Variants in LTBP4 observed in about 807,000 individuals in gnomAD.
LTBP4 encodes latent-transforming growth factor beta-binding protein 4.
LTBP4 carries 93 observed loss-of-function variants against 180.2 expected under a neutral mutation model. That is an observed-to-expected ratio of 0.52 (90% CI 0.44 to 0.61). The LOEUF (loss-of-function observed/expected upper bound fraction) is 0.61. Among genes scored for constraint, LTBP4 ranks in the 20% least tolerant of loss-of-function variants. The pLI, the probability that LTBP4 is intolerant of heterozygous loss-of-function variation, is 0.00. For missense variants in LTBP4, 2,116 were observed against 2,256.5 expected, an observed-to-expected ratio of 0.94 and a Z score of 1.26; for synonymous variants, 947 against 934.5, an observed-to-expected ratio of 1.01 and a Z score of -0.24.
At chr19:40,604,068 T>C (rs1442071759) in intron 1 of LTBP4, among the ~76,000 whole-genome samples, 2 of 151,976 alleles carry the variant, frequency 1.3e-5, no homozygotes, top group Non-Finnish European at 2.9e-5. Context: ...CAGAAAGAAG[T>C]TGGGCGGAGA....
At chr19:40,603,830 T>A (rs1416067873) in intron 1 of LTBP4, among the ~76,000 whole-genome samples, 1 of 152,160 alleles carries the variant, frequency 6.6e-6, no homozygotes, top group Admixed American at 6.5e-5. Flanking sequence ...CTCCTTTGGC[T>A]CAAAGGTCCC....
intron 6 of LTBP4, among the ~76,000 whole-genome samples, chr19:40,606,733 A>G (rs1220990084): frequency 6.6e-6 from 1 of 151,776 alleles, no homozygotes; most frequent in African/African-American, 2.4e-5. Flanking sequence ...TTTTGGATCC[A>G]GATCCCTCCA....
chr19:40,628,458 G>A (rs561456211), intron 29 of LTBP4, among the ~76,000 whole-genome samples: 1 of 152,244 alleles, frequency 6.6e-6, no homozygotes, highest in African/African-American at 2.4e-5. Context: ...AGGTTGTGGT[G>A]AGCCAAGATC....
intron 7 of LTBP4, 83 bp downstream of exon 7, chr19:40,607,612 C>G: frequency 7.1e-7 from 1 of 1,417,074 alleles, no homozygotes; most frequent in Non-Finnish European, 9.4e-7. Context: ...CCTGAGTTCA[C>G]TGCCCCAACC....
At chr19:40,620,216 C>T (rs146830562) in intron 22 of LTBP4, among the ~76,000 whole-genome samples, 43 of 149,942 alleles carry the variant, frequency 2.9e-4, no homozygotes, top group African/African-American at 1.0e-3. Context: ...GAAGGGGTTT[C>T]GGCGTTTTTT....
At chr19:40,607,273 C>CCAAACAAA in intron 6 of LTBP4, 92 bp from the exon 7 acceptor site, 2 of 811,726 alleles carry the variant, frequency 2.5e-6, no homozygotes, top group Non-Finnish European at 3.6e-6. Flanking sequence ...CCCCCACCCC[C>CCAAACAAA]AACCCCAGAA....
intron 12 of LTBP4, 73 bp downstream of exon 12, chr19:40,610,730 G>A: frequency 1.3e-6 from 2 of 1,504,704 alleles, no homozygotes; most frequent in Non-Finnish European, 1.8e-6. Flanking sequence ...GGGCCAGAGA[G>A]ACTGAACAAT....
chr19:40,597,252 C>A, upstream of LTBP4: 1 of 1,507,772 alleles, frequency 6.6e-7, no homozygotes, highest in Non-Finnish European at 8.8e-7. Flanking sequence ...GGCCTGGCAC[C>A]AGCGGCCGCC....
upstream of LTBP4, chr19:40,599,299 T>C (rs1599856900): frequency 6.2e-7 from 1 of 1,613,196 alleles, no homozygotes; most frequent in Middle Eastern, 1.7e-4. Context: ...CAAAAGGGAA[T>C]AGGAGGAGAG....
intron 1 of LTBP4, chr19:40,593,193 T>A: frequency 6.2e-7 from 1 of 1,613,852 alleles, no homozygotes; most frequent in Non-Finnish European, 8.5e-7. Context: ...TGAGTGCCTC[T>A]GAAACCGGGG....
chr19:40,608,686 G>A, intron 9 of LTBP4, 83 bp downstream of exon 9: 1 of 1,490,026 alleles, frequency 6.7e-7, no homozygotes, highest in South Asian at 1.2e-5. Context: ...GCTGAGGAGG[G>A]TGGATCACCA....
Position 40,629,493 on chromosome 19 carries a change from G to C in LTBP4, c.4617G>C (p.Pro1539=). 2 of 1,606,046 alleles carry C rather than the reference G, an allele frequency of 1.2e-6. No individual in the cohort carries two copies. The highest frequency in any genetic ancestry group is 3.3e-5 in the Admixed American group (2 of 59,768). ...GCTCCTTCCGCTGCATCTGCCGCCC[G>C]GGATTCGCACCCACGCACCAGCCGC... ...TDGSFRCICR[P]GFAPTHQPHH... is the part of the protein sequence containing the mutation. Residue 1539 remains proline, a synonymous_variant, in exon 30 of 30, where the codon CCG becomes CCC. Transcript: ENST00000396819. This position sits in a 1 kb window ranked among gnomAD's most constrained non-coding sequence, Gnocchi z 4.5.
chr19:40,607,542 G>A lies in LTBP4; in HGVS notation c.1156+13G>A, dbSNP rs1446596943. The A allele has an allele frequency of 1.9e-6, 3 of 1,601,996 alleles. No homozygotes were observed. The highest frequency in any genetic ancestry group is 2.7e-5 in the African/African-American group (2 of 74,706). On this transcript the variant is annotated intron_variant, in intron 7 of 29. Transcript: ENST00000396819. Reference sequence around the variant, plus strand: ...CCCTTCGGCTCAGGTGAGCCCCTGCGGCAGTGCCTAGCCCTACGCGCAACA... The same window carrying A: ...CCCTTCGGCTCAGGTGAGCCCCTGCAGCAGTGCCTAGCCCTACGCGCAACA...
rs187082665 is a variant in LTBP4, at chr19:40,595,811, G to A, written c.16+2630G>A. ...AGTGGTGCCATCTCAACTCACTGCA[G>A]CCTCCACTTACCAGGCTCAAGTGAT... On this transcript the variant is annotated intron_variant, in intron 1 of 32. Transcript: ENST00000204005. Among the ~76,000 whole-genome samples, 199 of 151,492 alleles carry A rather than the reference G, an allele frequency of 1.3e-3. 1 individual carries two copies. Among genetic ancestry groups the A allele is most frequent in the African/African-American group, 4.4e-3 (183 of 41,314 alleles).
upstream of LTBP4, among the ~76,000 whole-genome samples, chr19:40,598,101 T>G (rs1057189160): frequency 6.6e-6 from 1 of 152,068 alleles, no homozygotes; most frequent in Non-Finnish European, 1.5e-5. Flanking sequence ...AAGGAAGCCG[T>G]CTGCCCAGCA....
At chr19:40,626,530 C>G (rs1006119231) in intron 27 of LTBP4, among the ~76,000 whole-genome samples, 1 of 152,134 alleles carries the variant, frequency 6.6e-6, no homozygotes, top group Non-Finnish European at 1.5e-5. Context: ...GTTTCTACAA[C>G]CTCTGAGTCC....
At position 40,629,484 on chromosome 19, in the gene LTBP4, C is replaced by A; in HGVS notation, c.4608C>A (p.Ile1536=). The change falls in exon 30 of 30, where the codon ATC becomes ATA. Residue 1536 remains isoleucine (I), a synonymous_variant. Transcript: ENST00000396819. The surrounding 1 kb of genome is among the most constrained non-coding windows in gnomAD (Gnocchi z 4.5). ...CLNTDGSFRC[I]CRPGFAPTHQ... ...ACACGGATGGCTCCTTCCGCTGCAT[C>A]TGCCGCCCGGGATTCGCACCCACGC... The A allele has an allele frequency of 6.2e-7, 1 of 1,607,638 alleles. No homozygotes were observed. Among genetic ancestry groups the A allele is most frequent in the South Asian group, 1.1e-5 (1 of 90,932 alleles).
chr19:40,606,189 C>A, intron 4 of LTBP4, 44 bp from the exon 5 acceptor site: 2 of 1,524,612 alleles, frequency 1.3e-6, no homozygotes, highest in South Asian at 1.2e-5. Flanking sequence ...TCCATTCTCG[C>A]TCTGCCCACC....
At position 40,608,279 on chromosome 19, in the gene LTBP4, C is replaced by A; in HGVS notation, c.1216C>A (p.Arg406Ser). Residue 406 changes from arginine to serine, a missense_variant, in exon 8 of 30, where the codon CGC (arginine) becomes AGC (serine). Arg to Ser is a moderately radical substitution (Grantham distance 110). Around this residue, in one of 5 missense-constraint regions of LTBP4, gnomAD observed 877 missense variants for 873.6 expected, o/e 1.00. Coordinates refer to ENST00000396819, the MANE Select transcript of LTBP4 (RefSeq NM_001042545.2). ...PGYHYSASDLRYNTRPLGQEP... is the reference protein window; with the variant it reads ...PGYHYSASDLSYNTRPLGQEP... ...TTACCACTACTCGGCCTCCGACCTC[C>A]GCTACAACACCAGACCCCTGGGCCA... is the stretch of plus-strand genomic sequence containing the variant. The A allele has an allele frequency of 6.2e-7, 1 of 1,613,910 alleles. No homozygotes were observed. Among genetic ancestry groups the A allele is most frequent in the East Asian group, 2.2e-5 (1 of 44,866 alleles).
Sources: allele counts gnomAD v4.1 joint callset (sites outside exome capture counted in the v4.1 genomes callset), GRCh38; gene constraint gnomAD v4.1.1; regional missense constraint gnomAD v4.1.1; non-coding constraint Gnocchi (gnomAD v3.1); transcripts MANE v1.5; gene names NCBI Gene and HGNC (gene_info 2026-07-23, HGNC 2026-07-21).